LEKR1: variants seen among roughly 807,000 people sequenced by gnomAD.
LEKR1 encodes leucine, glutamate and lysine rich 1, also known as protein LEKR1.
LEKR1 carries 59 observed loss-of-function variants against 72.4 expected under a neutral mutation model. The observed-to-expected ratio is 0.82, with a 90% CI of 0.66 to 1.01. The LOEUF (loss-of-function observed/expected upper bound fraction) is 1.01. Ranked by LOEUF, LEKR1 falls within the 50% of genes least tolerant of loss-of-function variation. The pLI is 0.00. For missense variants in LEKR1, 728 were observed against 759.2 expected, an observed-to-expected ratio of 0.96 and a Z score of 0.48; for synonymous variants, 257 against 263.2, an observed-to-expected ratio of 0.98 and a Z score of 0.23.
At chr3:156,907,882 G>A (rs903725944) in intron 3 of LEKR1, among the ~76,000 whole-genome samples, 1 of 151,500 alleles carries the variant, frequency 6.6e-6, no homozygotes, top group Admixed American at 6.6e-5. Context: ...ATTCCACATT[G>A]CAGTTAGAGT....
chr3:156,936,466 C>CACACACACA (rs71931633), intron 5 of LEKR1, among the ~76,000 whole-genome samples: 1 of 57,270 alleles, frequency 1.7e-5, no homozygotes, highest in African/African-American at 3.4e-5. Flanking sequence ...CACACACACA[C>CACACACACA]CCCCCGTATG....
chr3:156,875,686 G>A (rs1417285957), intron 3 of LEKR1, among the ~76,000 whole-genome samples: 3 of 152,002 alleles, frequency 2.0e-5, no homozygotes, highest in African/African-American at 7.2e-5. Context: ...GATCCATATT[G>A]AGTTGATTTT....
chr3:156,971,443 G>C (rs1576922773), intron 6 of LEKR1, among the ~76,000 whole-genome samples: 1 of 152,316 alleles, frequency 6.6e-6, no homozygotes, highest in East Asian at 1.9e-4. Flanking sequence ...AGGACTTCAT[G>C]TCTAAAACAC....
chr3:156,904,166 G>T (rs1158134787), intron 3 of LEKR1, among the ~76,000 whole-genome samples: 1 of 152,132 alleles, frequency 6.6e-6, no homozygotes, highest in Non-Finnish European at 1.5e-5. Flanking sequence ...AGCAATAAGG[G>T]CAGTAAGAAA....
chr3:156,999,891 G>A (rs919911296), intron 9 of LEKR1, among the ~76,000 whole-genome samples: 1 of 152,176 alleles, frequency 6.6e-6, no homozygotes, highest in African/African-American at 2.4e-5. Context: ...CTTGCTCAGG[G>A]TGACATCATT....
chr3:156,846,540 C>G (rs1714626637), intron 2 of LEKR1, among the ~76,000 whole-genome samples: 1 of 151,660 alleles, frequency 6.6e-6, no homozygotes, highest in African/African-American at 2.4e-5. Context: ...GTCCTAATGG[C>G]TTTATGAAGT....
intron 12 of LEKR1, among the ~76,000 whole-genome samples, chr3:157,029,114 G>T (rs1734415017): frequency 6.6e-6 from 1 of 152,148 alleles, no homozygotes; most frequent in Non-Finnish European, 1.5e-5. Context: ...ATGTTGGTGA[G>T]AAGTAATATC....
At chr3:156,931,407 G>A (rs1276704726) in intron 5 of LEKR1, among the ~76,000 whole-genome samples, 2 of 152,094 alleles carry the variant, frequency 1.3e-5, no homozygotes, top group Non-Finnish European at 2.9e-5. Flanking sequence ...AATGTAAATT[G>A]CTACAGCCAC....
chr3:156,835,215 A>ATCCTCTGTGC (rs1318332046), intron 2 of LEKR1, among the ~76,000 whole-genome samples: 1 of 152,242 alleles, frequency 6.6e-6, no homozygotes, highest in Non-Finnish European at 1.5e-5. Flanking sequence ...GAGAACTTAT[A>ATCCTCTGTGC]TTTTAAAAGC....
chr3:156,922,854 T>C (rs1724341044), intron 4 of LEKR1, among the ~76,000 whole-genome samples: 1 of 152,224 alleles, frequency 6.6e-6, no homozygotes, highest in South Asian at 2.1e-4. Context: ...TTTGAAATAT[T>C]CTAGCAGTAT....
intron 6 of LEKR1, among the ~76,000 whole-genome samples, chr3:156,963,472 T>A (rs780215667): frequency 2.0e-5 from 3 of 152,092 alleles, no homozygotes; most frequent in African/African-American, 7.2e-5. Flanking sequence ...AGTGACAGTG[T>A]CTAAATGAGG....
intron 5 of LEKR1, among the ~76,000 whole-genome samples, chr3:156,929,652 A>G (rs921951593): frequency 6.6e-6 from 1 of 152,052 alleles, no homozygotes; most frequent in African/African-American, 2.4e-5. Context: ...ATAATATGTT[A>G]CCAGAAGAGT....
chr3:156,980,068 G>T lies in LEKR1; in HGVS notation c.827+793G>T, dbSNP rs1202677925. 4.6e-5 allele frequency: 7 copies of T among 151,986 alleles called. No homozygotes were observed. In the East Asian group the frequency reaches 1.3e-3, roughly 29 times the overall value. 9.4% of individuals were successfully genotyped at this position (151,986 alleles called of 1,614,324 possible). A position where few individuals can be genotyped will look rare whatever the true frequency, so the allele number is the denominator to read the frequency against. ...TATTTCAGAAATTTCAAAAATTATA[G>T]CATAAACATAGTATATCTATAATTA... On this transcript the variant is annotated intron_variant, in intron 7 of 12. Coordinates refer to ENST00000356539, the MANE Select transcript of LEKR1 (RefSeq NM_001004316.3).
intron 3 of LEKR1, among the ~76,000 whole-genome samples, chr3:156,880,099 CA>C (rs1211399931): frequency 6.6e-6 from 1 of 152,148 alleles, no homozygotes; most frequent in Non-Finnish European, 1.5e-5. Context: ...CTCCAGACCC[CA>C]GAATTTTAGA....
chr3:156,875,656 G>C (rs575559646), intron 3 of LEKR1, among the ~76,000 whole-genome samples: 3 of 152,104 alleles, frequency 2.0e-5, no homozygotes, highest in Admixed American at 1.3e-4. Context: ...TATTCTTTCA[G>C]GTCTTAGATT....
chr3:156,933,248 C>T (rs1725409905), intron 5 of LEKR1, among the ~76,000 whole-genome samples: 1 of 152,138 alleles, frequency 6.6e-6, no homozygotes, highest in Admixed American at 6.5e-5. Context: ...TATTATGCAT[C>T]ATTTCCATTA....
intron 5 of LEKR1, among the ~76,000 whole-genome samples, chr3:156,941,272 C>T (rs1211430668): frequency 2.0e-5 from 3 of 152,104 alleles, no homozygotes; most frequent in Admixed American, 6.6e-5. Flanking sequence ...ACCCCTTGTG[C>T]TTATTCCCCA....
At chr3:156,941,595 C>A (rs552416375) in intron 5 of LEKR1, among the ~76,000 whole-genome samples, 2 of 152,038 alleles carry the variant, frequency 1.3e-5, no homozygotes, top group South Asian at 4.1e-4. Flanking sequence ...ACATGTTGAA[C>A]CTATCACATA....
chr3:156,966,769 T>G (rs1728645572), intron 6 of LEKR1, among the ~76,000 whole-genome samples: 1 of 152,196 alleles, frequency 6.6e-6, no homozygotes, highest in African/African-American at 2.4e-5. Context: ...CCAACAGCTC[T>G]GAAGAGAGTA....
Sources: gnomAD v4.1 joint callset for allele counts (sites outside exome capture counted in the v4.1 genomes callset) on GRCh38, gnomAD v4.1.1 for gene constraint, MANE v1.5 for transcripts, NCBI Gene and HGNC (gene_info 2026-07-23, HGNC 2026-07-21) for gene names.